The following MARS1 variants were observed in gnomAD, a reference collection of about 807,000 sequenced individuals.
The protein encoded by MARS1 is methionine--tRNA ligase, cytoplasmic.
Under a neutral mutation model 119.5 loss-of-function variants are expected in MARS1, and 80 were observed. The observed-to-expected ratio is 0.67, with a 90% CI of 0.56 to 0.81. MARS1 has a LOEUF of 0.81. MARS1 is among the 30% of genes least tolerant of loss of function. The pLI is 0.00. For synonymous variants in MARS1, 418 were observed against 433.4 expected, an observed-to-expected ratio of 0.96 and a Z score of 0.44; for missense variants, 945 against 1,116.5, an observed-to-expected ratio of 0.85 and a Z score of 2.19.
At position 57,515,547 on chromosome 12, in the gene MARS1, A is replaced by C. The variant is rs1206739494; in HGVS notation, c.2391+211A>C. ...GCCAGAAACCAGAACCTGGCACACA[A>C]AACTAACTGGTAAACAGATATTTGA... On this transcript the variant is annotated intron_variant, in intron 18 of 20. Coordinates refer to ENST00000262027, the MANE Select transcript of MARS1 (RefSeq NM_004990.4). 6.7e-6 allele frequency: 4 copies of C among 594,222 alleles called. No individual in the cohort carries two copies. The East Asian group carries it at 1.1e-4, about 17-fold the overall frequency. The allele number at this position is 594,222 out of a possible 1,614,324, so 36.8% of individuals were successfully genotyped here.
chr12:57,516,447 C>A lies in MARS1; in HGVS notation c.2569C>A (p.Arg857=). The change falls in exon 21 of 21, where the codon CGA becomes AGA. Residue 857 remains arginine (R), a synonymous_variant. Coordinates refer to ENST00000262027, the MANE Select transcript of MARS1 (RefSeq NM_004990.4). ...DEVTKQGNIV[R]ELKAQKADKN... is the part of the protein sequence containing the mutation. Reference sequence around the variant, plus strand: ...CCCTTTATCTTAGGGAAACATTGTCCGAGAACTGAAAGCACAAAAGGCAGA... The same window carrying A: ...CCCTTTATCTTAGGGAAACATTGTCAGAGAACTGAAAGCACAAAAGGCAGA... 6.2e-7 allele frequency: 1 copy of A among 1,613,106 alleles called. No individual in the cohort carries two copies. Among genetic ancestry groups the A allele is most frequent in the Non-Finnish European group, 8.5e-7 (1 of 1,179,668 alleles).
intron 10 of MARS1, chr12:57,503,911 C>A: frequency 4.1e-6 from 1 of 246,564 alleles, no homozygotes; most frequent in Non-Finnish European, 7.8e-6. Flanking sequence ...TATGTCTTCA[C>A]TTCATCACTC....
chr12:57,503,186 T>G (rs1043084142), intron 10 of MARS1, among the ~76,000 whole-genome samples: 5 of 152,136 alleles, frequency 3.3e-5, no homozygotes, highest in African/African-American at 1.2e-4. Flanking sequence ...ATATAGTCAG[T>G]TTATGCCACA....
chr12:57,489,172 G>A (rs1397128026), intron 2 of MARS1, 63 bp downstream of exon 2: 2 of 1,600,434 alleles, frequency 1.2e-6, no homozygotes, highest in African/African-American at 1.3e-5. Flanking sequence ...TGTCATTTGT[G>A]TGGCTTTATT....
chr12:57,505,977 G>A (rs962957648), intron 11 of MARS1, among the ~76,000 whole-genome samples: 5 of 152,076 alleles, frequency 3.3e-5, no homozygotes, highest in African/African-American at 1.2e-4. Flanking sequence ...AACCTGGCCT[G>A]GGTGCAGTGG....
At chr12:57,494,831 C>CT (rs1876505801) in intron 7 of MARS1, among the ~76,000 whole-genome samples, 3 of 151,776 alleles carry the variant, frequency 2.0e-5, no homozygotes, top group African/African-American at 7.3e-5. Context: ...GGGGTAAGGT[C>CT]ATAGATCAAC....
rs767326124 is a variant in MARS1, at chr12:57,489,046, C to G, written c.137C>G (p.Pro46Arg). ...EDCVVPFLTRPKVPVLQLDSG... is the reference protein window; with the variant it reads ...EDCVVPFLTRRKVPVLQLDSG... ...TGTGTGGTCCCGTTCCTGACCCGGC[C>G]TAAGGTCCCTGTCTTGCAGCTGGAT... The change falls in exon 2 of 21, where the codon CCT (proline) becomes CGT (arginine). Residue 46 changes from proline (P) to arginine (R), a missense_variant. By Grantham distance (103) the Pro-to-Arg change is moderately radical (BLOSUM62 -2). Coordinates refer to ENST00000262027, the MANE Select transcript of MARS1 (RefSeq NM_004990.4). 1 of 1,613,980 alleles carries G rather than the reference C, an allele frequency of 6.2e-7. No homozygotes were observed. Among genetic ancestry groups the G allele is most frequent in the South Asian group, 1.1e-5 (1 of 91,090 alleles).
chr12:57,495,159 G>A (rs1876532325), intron 7 of MARS1, among the ~76,000 whole-genome samples: 1 of 150,666 alleles, frequency 6.6e-6, no homozygotes, highest in South Asian at 2.1e-4. Flanking sequence ...GGATGGGGTG[G>A]CTGCCGGGCG....
intron 7 of MARS1, among the ~76,000 whole-genome samples, chr12:57,494,210 C>T (rs1876456099): frequency 6.6e-6 from 1 of 151,246 alleles, no homozygotes; most frequent in Non-Finnish European, 1.5e-5. Flanking sequence ...CCTGCCTCGG[C>T]CTCCCAAAGT....
rs569724966 is a variant in MARS1, at chr12:57,494,275, A to G, written c.770+3631A>G. 1.7e-3 allele frequency among the ~76,000 whole-genome samples: 259 copies of G among 149,356 alleles called. 2 individuals carry two copies. Among genetic ancestry groups the G allele is most frequent in the African/African-American group, 6.2e-3 (253 of 40,794 alleles). ...CCAGCCTTGTTTTGAGTATATCTTG[A>G]GCATATATTGTGGATTCAGTTTAAT... On this transcript the variant is annotated intron_variant, in intron 7 of 20. Coordinates refer to ENST00000262027, the MANE Select transcript of MARS1 (RefSeq NM_004990.4).
At chr12:57,508,468 G>A (rs989824088) in intron 11 of MARS1, among the ~76,000 whole-genome samples, 1 of 152,228 alleles carries the variant, frequency 6.6e-6, no homozygotes, top group African/African-American at 2.4e-5. Flanking sequence ...AGACCAGCCC[G>A]GCCAACACAG....
At chr12:57,497,792 G>C (rs1322022006) in intron 7 of MARS1, among the ~76,000 whole-genome samples, 2 of 152,156 alleles carry the variant, frequency 1.3e-5, no homozygotes, top group Non-Finnish European at 2.9e-5. Context: ...CGCTGGGAAA[G>C]TGTTCTTGGG....
chr12:57,488,178 A>G lies in MARS1; in HGVS notation c.88A>G (p.Ile30Val), dbSNP rs1183960192. The change falls in exon 1 of 21, where the codon ATC (isoleucine) becomes GTC (valine). Residue 30 changes from isoleucine (I) to valine (V), a missense_variant. Ile to Val is a conservative substitution (Grantham distance 29, BLOSUM62 3). Transcript: ENST00000262027. ...GRARGRAEVL[I>V]STVGPEDCVV... ...AGCCCGGGGCAGAGCAGAGGTGCTC[A>G]TCAGCACTGTAGGCCCGGAAGGTAC... 3.1e-6 allele frequency: 5 copies of G among 1,613,914 alleles called. No individual in the cohort carries two copies. The highest frequency in any genetic ancestry group is 1.1e-5 in the South Asian group (1 of 91,082).
intron 7 of MARS1, among the ~76,000 whole-genome samples, chr12:57,497,031 T>C (rs1876669459): frequency 6.6e-6 from 1 of 152,152 alleles, no homozygotes; most frequent in South Asian, 2.1e-4. Flanking sequence ...TTTGCCTCTA[T>C]ACTTGCCACA....
rs1202292373 is a variant in MARS1, at chr12:57,516,275, GAGACTGTT to G, written c.2496_2503del (p.Glu832AspfsTer14). On this transcript the variant is annotated frameshift_variant, in exon 20 of 21. Transcript: ENST00000262027. LOFTEE classifies it high-confidence loss of function. ...AACGTCCCCGAAGCCAGCAGTTGTA[GAGACTGTT>G]ACAACAGCCAAGCCACAGCAGATAC... 6.2e-7 allele frequency: 1 copy of G among 1,614,056 alleles called. No individual in the cohort carries two copies. The highest frequency in any genetic ancestry group is 8.5e-7 in the Non-Finnish European group (1 of 1,180,050).
At chr12:57,497,678 A>T (rs1455824143) in intron 7 of MARS1, among the ~76,000 whole-genome samples, 2 of 152,114 alleles carry the variant, frequency 1.3e-5, no homozygotes, top group Non-Finnish European at 2.9e-5. Flanking sequence ...GTCGGTACAA[A>T]AGGACTTGTT....
At chr12:57,493,717 TTA>T (rs1810270418) in intron 7 of MARS1, among the ~76,000 whole-genome samples, 1 of 13,484 alleles carries the variant, frequency 7.4e-5, no homozygotes, top group African/African-American at 5.9e-4. Context: ...ATATTATATA[TTA>T]TATATTATAT....
At chr12:57,512,730 C>T (rs1877581536) in intron 14 of MARS1, 21 bp from the exon 15 acceptor site, 1 of 1,578,174 alleles carries the variant, frequency 6.3e-7, no homozygotes, top group Non-Finnish European at 8.7e-7. Flanking sequence ...AGATGGTTCT[C>T]ACTCATTCTC....
At chr12:57,512,151 G>A in intron 13 of MARS1, 48 bp downstream of exon 13, 1 of 1,604,430 alleles carries the variant, frequency 6.2e-7, no homozygotes, top group Non-Finnish European at 8.5e-7. Context: ...AGGCGGTAGG[G>A]TGTGGGTGTT....
Sources: allele counts gnomAD v4.1 joint callset (sites outside exome capture counted in the v4.1 genomes callset), GRCh38; gene constraint gnomAD v4.1.1; transcripts MANE v1.5; gene names NCBI Gene and HGNC (gene_info 2026-07-23, HGNC 2026-07-21).